The following UNC5B variants were observed in gnomAD, a reference collection of about 807,000 sequenced individuals.
UNC5B encodes unc-5 netrin receptor B.
Under a neutral mutation model 103.7 loss-of-function variants are expected in UNC5B, and 56 were observed. That is an observed-to-expected ratio of 0.54 (90% CI 0.44 to 0.67). UNC5B has a LOEUF of 0.67. Among genes scored for constraint, UNC5B ranks in the 30% least tolerant of loss-of-function variants. The pLI is 0.00. For synonymous variants in UNC5B, 577 were observed against 542.0 expected (o/e 1.06, Z -0.90); for missense variants, 1,194 against 1,284.5 (o/e 0.93, Z 1.08).
At chr10:71,229,865 C>T (rs2132248526) in intron 1 of UNC5B, among the ~76,000 whole-genome samples, 1 of 152,272 alleles carries the variant, frequency 6.6e-6, no homozygotes, top group East Asian at 1.9e-4. Context: ...CCCATGCCAT[C>T]TCTGGCTGTC....
chr10:71,290,907 C>T lies in UNC5B; in HGVS notation c.1100-8C>T, dbSNP rs768335760. 6.2e-7 allele frequency: 1 copy of T among 1,607,628 alleles called. No individual in the cohort carries two copies. Among genetic ancestry groups the T allele is most frequent in the Non-Finnish European group, 8.5e-7 (1 of 1,177,718 alleles). On this transcript the variant is annotated splice_region_variant and splice_polypyrimidine_tract_variant and intron_variant, in intron 8 of 16. Transcript: ENST00000335350. ...GCTGCCCCTTATGTGGTCCTCCTGTCCCCGCAGTGCTGGAGGCCTCAGGGG... is the reference window on the plus strand; with the variant it reads ...GCTGCCCCTTATGTGGTCCTCCTGTTCCCGCAGTGCTGGAGGCCTCAGGGG...
chr10:71,269,551 A>G (rs1844598465), intron 1 of UNC5B, among the ~76,000 whole-genome samples: 2 of 152,078 alleles, frequency 1.3e-5, no homozygotes, highest in African/African-American at 4.8e-5. Context: ...CCTGTAGCCC[A>G]GGTCAGCCCT....
intron 1 of UNC5B, among the ~76,000 whole-genome samples, chr10:71,278,839 C>T (rs995659832): frequency 2.6e-5 from 4 of 152,260 alleles, no homozygotes; most frequent in Non-Finnish European, 5.9e-5. Flanking sequence ...AAGCCCCCAA[C>T]GGCTTGTGCC....
chr10:71,229,612 C>T (rs946958165), intron 1 of UNC5B, among the ~76,000 whole-genome samples: 8 of 152,162 alleles, frequency 5.3e-5, no homozygotes, highest in Non-Finnish European at 1.2e-4. Flanking sequence ...CCCGAGCTCC[C>T]GGAGGCCCTG....
rs544767487 is a variant in UNC5B, at chr10:71,212,963, C to A, written c.-23C>A. 3.0e-6 allele frequency: 4 copies of A among 1,320,496 alleles called. No individual in the cohort carries two copies. The highest frequency in any genetic ancestry group is 5.9e-5 in the East Asian group (2 of 34,166). 81.8% of individuals were successfully genotyped at this position (1,320,496 alleles called of 1,614,324 possible). ...CAGGGAGACAGCCCTGGGGGAGAGGCGCCCGAACCAGGCCGCGGGAGCATG... is the reference window on the plus strand; with the variant it reads ...CAGGGAGACAGCCCTGGGGGAGAGGAGCCCGAACCAGGCCGCGGGAGCATG... On this transcript the variant is annotated 5_prime_UTR_variant, in exon 1 of 17. Transcript: ENST00000335350.
intron 13 of UNC5B, 80 bp from the exon 14 acceptor site, chr10:71,295,731 C>T (rs1325493659): frequency 2.0e-6 from 3 of 1,534,512 alleles, no homozygotes; most frequent in Non-Finnish European, 2.6e-6. Flanking sequence ...GGCCCCTGCC[C>T]CCTGCCCCGC....
chr10:71,299,236 A>G lies in UNC5B; in HGVS notation c.2797A>G (p.Ser933Gly). Reference sequence around the variant, plus strand: ...GAGTGCCTTGGAGGAGATGGGCAAGAGTGAGATGCTGGTGGCTGTGGCCAC... The same window carrying G: ...GAGTGCCTTGGAGGAGATGGGCAAGGGTGAGATGCTGGTGGCTGTGGCCAC... Reference protein sequence around the residue: ...LASALEEMGKSEMLVAVATDG... With the variant: ...LASALEEMGKGEMLVAVATDG... Residue 933 changes from serine (S) to glycine (G), a missense_variant, in exon 17 of 17, where the codon AGT (serine) becomes GGT (glycine). By Grantham distance (56) the Ser-to-Gly change is moderately conservative. Transcript: ENST00000335350. The G allele has an allele frequency of 6.2e-7, 1 of 1,614,214 alleles. No homozygotes were observed. The highest frequency in any genetic ancestry group is 8.5e-7 in the Non-Finnish European group (1 of 1,180,028).
At chr10:71,287,821 T>C (rs1386163906) in intron 6 of UNC5B, 56 bp downstream of exon 6, 2 of 1,577,328 alleles carry the variant, frequency 1.3e-6, no homozygotes, top group East Asian at 4.7e-5. Flanking sequence ...ACCTTCTGTT[T>C]TGTGTGCCAG....
rs531459519 is a variant in UNC5B at position 71,296,637 on chromosome 10, C to G, written c.2385C>G (p.Thr795=). The part of the protein sequence containing the change: ...GSQKALHCTF[T]LERHSLASTE... ...AGAAGGCCCTCCACTGCACTTTCAC[C>G]CTGGAGAGGCACAGCTTGGCCTCCA... Residue 795 remains threonine (T), a synonymous_variant, in exon 15 of 17, where the codon ACC becomes ACG. Transcript: ENST00000335350. The G allele has an allele frequency of 5.6e-6, 9 of 1,613,942 alleles. No individual in the cohort carries two copies. The highest frequency in any genetic ancestry group is 7.6e-6 in the Non-Finnish European group (9 of 1,180,040).
intron 1 of UNC5B, among the ~76,000 whole-genome samples, chr10:71,275,897 A>G (rs1844759842): frequency 6.6e-6 from 1 of 151,866 alleles, no homozygotes; most frequent in Non-Finnish European, 1.5e-5. Context: ...TTTATTTGGC[A>G]CCATATCTTT....
rs1168769813 is a variant in UNC5B, at chr10:71,279,454, G to A, written c.80-367G>A. 7.2e-5 allele frequency among the ~76,000 whole-genome samples: 11 copies of A among 152,312 alleles called. No individual in the cohort carries two copies. The East Asian group carries it at 1.9e-3, about 27-fold the overall frequency. Reference sequence around the variant, plus strand: ...CACCATGAGGAACTGGATAGAAGCCGGGCAGGGACAGTGGAGCAGACGTTG... The same window carrying A: ...CACCATGAGGAACTGGATAGAAGCCAGGCAGGGACAGTGGAGCAGACGTTG... On this transcript the variant is annotated intron_variant, in intron 1 of 16. Transcript: ENST00000335350.
intron 11 of UNC5B, 102 bp downstream of exon 11, chr10:71,292,656 C>A: frequency 1.0e-6 from 1 of 972,590 alleles, no homozygotes; most frequent in South Asian, 1.6e-5. Flanking sequence ...ACCAAACAGT[C>A]CTCCAAGGAA....
At chr10:71,239,705 C>T (rs192724835) in intron 1 of UNC5B, among the ~76,000 whole-genome samples, 1 of 152,058 alleles carries the variant, frequency 6.6e-6, no homozygotes, top group Admixed American at 6.5e-5. Flanking sequence ...GCAGTGGGCA[C>T]ACACCCCTGC....
At chr10:71,235,666 G>A (rs1383100453) in intron 1 of UNC5B, among the ~76,000 whole-genome samples, 1 of 152,188 alleles carries the variant, frequency 6.6e-6, no homozygotes, top group Non-Finnish European at 1.5e-5. Context: ...GGTTCCCGGA[G>A]CCCAGCCTCC....
At chr10:71,269,350 C>A (rs1335046313) in intron 1 of UNC5B, among the ~76,000 whole-genome samples, 2 of 145,140 alleles carry the variant, frequency 1.4e-5, no homozygotes, top group African/African-American at 5.0e-5. Flanking sequence ...AAGTCCCCCC[C>A]CCACAACTTC....
At chr10:71,216,716 T>G (rs1218821805) in intron 1 of UNC5B, among the ~76,000 whole-genome samples, 2 of 152,216 alleles carry the variant, frequency 1.3e-5, no homozygotes, top group African/African-American at 4.8e-5. Flanking sequence ...TTTTCCTGGG[T>G]GTCAGGCTTA....
At chr10:71,259,255 G>C (rs1219078394) in intron 1 of UNC5B, among the ~76,000 whole-genome samples, 1 of 152,088 alleles carries the variant, frequency 6.6e-6, no homozygotes, top group African/African-American at 2.4e-5. Flanking sequence ...CAGGTGTGGT[G>C]GTGTGTGCCT....
intron 1 of UNC5B, among the ~76,000 whole-genome samples, chr10:71,228,604 C>T (rs549458192): frequency 6.6e-6 from 1 of 152,316 alleles, no homozygotes; most frequent in Admixed American, 6.5e-5. Flanking sequence ...CAATGACCCT[C>T]GAACAGACTT....
At chr10:71,220,897 G>A (rs1005199642) in intron 1 of UNC5B, among the ~76,000 whole-genome samples, 1 of 152,164 alleles carries the variant, frequency 6.6e-6, no homozygotes, top group Non-Finnish European at 1.5e-5. Flanking sequence ...TGAGACCCTA[G>A]GCAAGTGCCT....
Sources: allele counts gnomAD v4.1 joint callset (sites outside exome capture counted in the v4.1 genomes callset), GRCh38; gene constraint gnomAD v4.1.1; transcripts MANE v1.5; gene names NCBI Gene and HGNC (gene_info 2026-07-23, HGNC 2026-07-21).